PROSER1: variants seen among roughly 807,000 people sequenced by gnomAD.
PROSER1 encodes proline and serine rich 1, also known as proline and serine-rich protein 1.
In PROSER1, 36 loss-of-function variants were observed where a neutral mutation model predicts 71.8. The observed-to-expected ratio is 0.50, with a 90% CI of 0.38 to 0.66. PROSER1 has a LOEUF of 0.66. Ranked by LOEUF, PROSER1 falls within the 30% of genes least tolerant of loss-of-function variation. PROSER1 has a pLI of 0.00. For synonymous variants in PROSER1, 490 were observed against 452.4 expected (o/e 1.08, Z -1.06); for missense variants, 1,107 against 1,135.0 (o/e 0.98, Z 0.35).
intron 3 of PROSER1, among the ~76,000 whole-genome samples, chr13:39,031,238 ACT>A (rs1247937498): frequency 6.6e-6 from 1 of 152,198 alleles, no homozygotes; most frequent in African/African-American, 2.4e-5. Context: ...GACAGTAATA[ACT>A]CTTCTAAGAC....
At chr13:39,023,599 T>G (rs189900756) in intron 7 of PROSER1, 3 of 153,926 alleles carry the variant, frequency 1.9e-5, no homozygotes, top group African/African-American at 7.2e-5. Context: ...AAAAAAGCAC[T>G]GTTTGCGTTA....
intron 1 of PROSER1, 59 bp downstream of exon 1, chr13:39,037,139 G>A: frequency 7.8e-7 from 1 of 1,278,752 alleles, no homozygotes; most frequent in South Asian, 1.2e-5. Context: ...GTACCTCAAA[G>A]AGAGTCTAAA....
chr13:39,015,856 G>A (rs576736397), intron 10 of PROSER1, among the ~76,000 whole-genome samples: 14 of 152,226 alleles, frequency 9.2e-5, no homozygotes, highest in East Asian at 5.8e-4. Context: ...GGATTTGTAC[G>A]TTTTTTGTAC....
At position 39,021,695 on chromosome 13, in the gene PROSER1, C is replaced by T. The variant is rs192534113; in HGVS notation, c.730+631G>A. On this transcript the variant is annotated intron_variant, in intron 9 of 12. Transcript: ENST00000352251. ...ATTATCAGTCTGTTTTCACCTGTTT[C>T]TTCCTTAACTTAATTCAATTAAATG... is the stretch of plus-strand genomic sequence containing the variant. 1.5e-3 allele frequency among the ~76,000 whole-genome samples: 229 copies of T among 151,920 alleles called. 1 individual carries two copies. The highest frequency in any genetic ancestry group is 2.9e-3 in the Non-Finnish European group (197 of 68,014).
Position 39,012,029 on chromosome 13 carries a change from C to T in PROSER1, c.2712+54G>A, listed in dbSNP as rs144843700. 173 of 1,559,698 alleles carry T rather than the reference C, an allele frequency of 1.1e-4. No homozygotes were observed. In the East Asian group the frequency reaches 3.8e-3, roughly 34 times the overall value. ...AAATGATACTGCAATGTTATCACTA[C>T]AGAAGTTAGTTATACATGTTACCAT... On this transcript the variant is annotated intron_variant, in intron 12 of 12. Transcript: ENST00000352251.
chr13:39,035,448 T>C (rs1010258301), intron 1 of PROSER1, among the ~76,000 whole-genome samples: 7 of 152,288 alleles, frequency 4.6e-5, no homozygotes, highest in Middle Eastern at 3.4e-3. Context: ...TCACAGAGAA[T>C]AGGCCACCAG....
intron 1 of PROSER1, among the ~76,000 whole-genome samples, 185 bp from the exon 2 acceptor site, chr13:39,034,381 T>C (rs1044455304): frequency 6.6e-6 from 1 of 152,170 alleles, no homozygotes; most frequent in Non-Finnish European, 1.5e-5. Flanking sequence ...CCAGGTTCCA[T>C]ACTGTGAGGG....
chr13:39,025,453 T>C (rs1870502721), intron 6 of PROSER1, among the ~76,000 whole-genome samples: 1 of 152,136 alleles, frequency 6.6e-6, no homozygotes, highest in African/African-American at 2.4e-5. Context: ...GCAGAAAGGA[T>C]GGCATCTGAC....
chr13:39,012,278 A>G, intron 11 of PROSER1, 45 bp from the exon 12 acceptor site: 1 of 1,571,524 alleles, frequency 6.4e-7, no homozygotes, highest in Non-Finnish European at 8.7e-7. Flanking sequence ...GACAAGACAT[A>G]AAAGCTACTG....
In PROSER1 at chr13:39,012,193, G is replaced by A; in HGVS notation, c.2602C>T (p.Pro868Ser). 6.2e-7 allele frequency: 1 copy of A among 1,614,106 alleles called. No individual in the cohort carries two copies. Among genetic ancestry groups the A allele is most frequent in the South Asian group, 1.1e-5 (1 of 91,070 alleles). ...ATACCCGGGAGGGACAAAAGGCCTG[G>A]AAAAACAGAACTGCCTGCAGCTTGA... ...GLQAAGSSVF[P>S]GLLSLPGIPG... is the part of the protein sequence containing the mutation. Residue 868 changes from proline to serine, a missense_variant, in exon 12 of 13, where the codon CCA becomes TCA. By Grantham distance (74) the Pro-to-Ser change is moderately conservative. Transcript: ENST00000352251.
At position 39,013,683 on chromosome 13, in the gene PROSER1, G is replaced by A; in HGVS notation, c.1569C>T (p.Ala523=). 1.2e-6 allele frequency: 2 copies of A among 1,614,188 alleles called. No individual in the cohort carries two copies. The highest frequency in any genetic ancestry group is 1.3e-5 in the African/African-American group (1 of 75,042). ...SAPNKCYAPS[A]IPTPQRTSTP... ...TGGAAGTCCTCTGTGGGGTAGGGAT[G>A]GCTGATGGGGCATAGCACTTGTTAG... Residue 523 remains alanine (A), a synonymous_variant, in exon 11 of 13, where the codon GCC becomes GCT. Transcript: ENST00000352251.
rs1180325896 is a variant in PROSER1 at position 39,032,572 on chromosome 13, AG to A, written c.112-942del. ...GCAAACTGGAGTGGTATGTAAAGAG[AG>A]TAAAAATAATTTTTACTCCTTATAA... On this transcript the variant is annotated intron_variant, in intron 2 of 12. Transcript: ENST00000352251. 3.0e-4 allele frequency among the ~76,000 whole-genome samples: 45 copies of A among 152,330 alleles called. 1 individual carries two copies. The highest frequency in any genetic ancestry group is 2.9e-3 in the Admixed American group (45 of 15,296).
intron 10 of PROSER1, among the ~76,000 whole-genome samples, chr13:39,016,853 T>C (rs1870029081): frequency 1.3e-5 from 2 of 152,206 alleles, no homozygotes; most frequent in Admixed American, 6.5e-5. Flanking sequence ...CTCCTAACTA[T>C]GTACTACAAT....
At chr13:39,021,566 A>ATC (rs1322329630) in intron 9 of PROSER1, among the ~76,000 whole-genome samples, 4 of 152,320 alleles carry the variant, frequency 2.6e-5, no homozygotes, top group Non-Finnish European at 4.4e-5. Context: ...ACTGAATAGA[A>ATC]TCTCTACAAG....
At position 39,011,454 on chromosome 13, in the gene PROSER1, C is replaced by T. The variant is rs73169461; in HGVS notation, c.2746G>A (p.Ala916Thr). The T allele has an allele frequency of 6.2e-7, 1 of 1,614,052 alleles. No individual in the cohort carries two copies. The highest frequency in any genetic ancestry group is 8.5e-7 in the Non-Finnish European group (1 of 1,179,978). ...HSASALESYP[A>T]QPDGFPSYPS... is the part of the protein sequence containing the mutation. ...TAACTAGGAAACCCATCAGGCTGAG[C>T]TGGATAGCTTTCCAGAGCCGAAGCT... Residue 916 changes from alanine to threonine, a missense_variant, in exon 13 of 13, where the codon GCT becomes ACT. Coordinates refer to ENST00000352251, the MANE Select transcript of PROSER1 (RefSeq NM_025138.5).
intron 9 of PROSER1, among the ~76,000 whole-genome samples, chr13:39,020,685 A>T (rs1347466936): frequency 1.3e-5 from 2 of 152,348 alleles, no homozygotes; most frequent in East Asian, 3.9e-4. Flanking sequence ...AAGTTAAAAA[A>T]ATGAAAATCT....
rs368010573 is a variant in PROSER1, at chr13:39,014,394, T to C, written c.858A>G (p.Ala286=). ...GATGATTAATTGCCTTGACTGGGGA[T>C]GCAGTAGGAACAGGAGTTGCAGCAG... ...STPAATPVPT[A]SPVKAINHPS... The change falls in exon 11 of 13, where the codon GCA becomes GCG. Residue 286 remains alanine, a synonymous_variant. Transcript: ENST00000352251. The C allele has an allele frequency of 1.9e-6, 3 of 1,613,830 alleles. No individual in the cohort carries two copies. Among genetic ancestry groups the C allele is most frequent in the Non-Finnish European group, 2.5e-6 (3 of 1,180,006 alleles).
At chr13:39,034,767 G>C (rs1261830751) in intron 1 of PROSER1, among the ~76,000 whole-genome samples, 1 of 152,140 alleles carries the variant, frequency 6.6e-6, no homozygotes, top group Non-Finnish European at 1.5e-5. Flanking sequence ...AATTCCTTTT[G>C]AGCGTCCTCA....
Position 39,014,069 on chromosome 13 carries a change from C to CTTCACTGGAACCAAGAGTGG in PROSER1, c.1163_1182dup (p.Ala395ProfsTer62). ...AAAGGTGCAGAAGTAGAAGCAAATGCTTCACTGGAACCAAGAGTGGACCGT... is the reference window on the plus strand; with the variant it reads ...AAAGGTGCAGAAGTAGAAGCAAATGCTTCACTGGAACCAAGAGTGGTTCACTGGAACCAAGAGTGGACCGT... On this transcript the variant is annotated frameshift_variant, in exon 11 of 13. Transcript: ENST00000352251. LOFTEE classifies it high-confidence loss of function. 1 of 1,614,152 alleles carries CTTCACTGGAACCAAGAGTGG rather than the reference C, an allele frequency of 6.2e-7. No homozygotes were observed. Among genetic ancestry groups the CTTCACTGGAACCAAGAGTGG allele is most frequent in the Non-Finnish European group, 8.5e-7 (1 of 1,180,036 alleles).
Sources: gnomAD v4.1 joint callset for allele counts (sites outside exome capture counted in the v4.1 genomes callset) on GRCh38, gnomAD v4.1.1 for gene constraint, MANE v1.5 for transcripts, NCBI Gene and HGNC (gene_info 2026-07-23, HGNC 2026-07-21) for gene names.